The following LAMA2 variants were observed in gnomAD, a reference collection of about 807,000 sequenced individuals.
LAMA2 encodes laminin subunit alpha 2.
LAMA2 carries 269 observed loss-of-function variants against 364.8 expected under a neutral mutation model. The observed-to-expected ratio is 0.74, with a 90% CI of 0.67 to 0.82. The LOEUF (loss-of-function observed/expected upper bound fraction) is 0.82, where lower values mean the gene tolerates loss of function less well. Among genes scored for constraint, LAMA2 ranks in the 40% least tolerant of loss-of-function variants. The pLI is 0.00. For missense variants in LAMA2, 3,807 were observed against 3,873.2 expected (o/e 0.98, Z 0.45); for synonymous variants, 1,379 against 1,370.6 (o/e 1.01, Z -0.14).
chr6:129,051,523 G>T (rs1379317228), intron 2 of LAMA2, among the ~76,000 whole-genome samples: 1 of 133,140 alleles, frequency 7.5e-6, no homozygotes, highest in Non-Finnish European at 1.6e-5. Flanking sequence ...TGTTGGCCAG[G>T]CTGGTCTCAA....
intron 4 of LAMA2, among the ~76,000 whole-genome samples, chr6:129,113,289 CA>C (rs1337328671): frequency 6.6e-6 from 1 of 151,916 alleles, no homozygotes; most frequent in Non-Finnish European, 1.5e-5. Context: ...TAATAATTTC[CA>C]AAACAATCGG....
At chr6:129,084,622 TC>T (rs1284341252) in intron 3 of LAMA2, among the ~76,000 whole-genome samples, 2 of 152,140 alleles carry the variant, frequency 1.3e-5, no homozygotes, top group African/African-American at 4.8e-5. Context: ...AATGAAAAAG[TC>T]CCCTCCATGC....
At chr6:128,911,229 C>T (rs979205579) in intron 1 of LAMA2, among the ~76,000 whole-genome samples, 1 of 152,156 alleles carries the variant, frequency 6.6e-6, no homozygotes, top group African/African-American at 2.4e-5. Context: ...GACGCCCCTC[C>T]CCCAGCCTCG....
At chr6:129,223,942 G>A (rs1784059658) in intron 12 of LAMA2, among the ~76,000 whole-genome samples, 1 of 152,114 alleles carries the variant, frequency 6.6e-6, no homozygotes, top group Non-Finnish European at 1.5e-5. Context: ...GGGCAGTATG[G>A]CCATTTTCAC....
At chr6:129,460,374 G>A (rs778855532) in intron 49 of LAMA2, 50 bp downstream of exon 49, 1 of 1,573,218 alleles carries the variant, frequency 6.4e-7, no homozygotes, top group African/African-American at 1.4e-5. Context: ...CATAATAAAA[G>A]CTTCGATTTT....
chr6:129,425,609 G>A (rs1247342021), intron 40 of LAMA2, among the ~76,000 whole-genome samples: 2 of 151,672 alleles, frequency 1.3e-5, no homozygotes, highest in African/African-American at 2.4e-5. Flanking sequence ...AGTAGGCCTC[G>A]GTGTATGTTG....
At chr6:129,390,969 C>T (rs1779284364) in intron 35 of LAMA2, among the ~76,000 whole-genome samples, 1 of 152,114 alleles carries the variant, frequency 6.6e-6, no homozygotes, top group South Asian at 2.1e-4. Context: ...GGTTATAAGT[C>T]TAGACCAGTG....
intron 32 of LAMA2, among the ~76,000 whole-genome samples, chr6:129,358,507 T>G (rs1333992407): frequency 6.6e-6 from 1 of 152,048 alleles, no homozygotes; most frequent in Non-Finnish European, 1.5e-5. Flanking sequence ...ATCTTAAAGT[T>G]GGAAGAAATA....
intron 1 of LAMA2, among the ~76,000 whole-genome samples, chr6:128,988,949 AG>A (rs1244868621): frequency 1.3e-5 from 2 of 152,314 alleles, no homozygotes; most frequent in South Asian, 4.1e-4. Flanking sequence ...TATTAAGTCA[AG>A]AAATAGTAAA....
chr6:129,458,966 C>G lies in LAMA2; in HGVS notation c.6868-1234C>G, dbSNP rs185733236. ...CTGAGTAAATATGGGTTCACTTTGGCACAGAGTTTTTAAAGTTGTAGGCAC... is the reference window on the plus strand; with the variant it reads ...CTGAGTAAATATGGGTTCACTTTGGGACAGAGTTTTTAAAGTTGTAGGCAC... On this transcript the variant is annotated intron_variant, in intron 48 of 64. Coordinates refer to ENST00000421865, the MANE Select transcript of LAMA2 (RefSeq NM_000426.4). Among the ~76,000 whole-genome samples, 824 of 152,174 alleles carry G rather than the reference C, an allele frequency of 5.4e-3. 4 individuals are homozygous for G. Among genetic ancestry groups the G allele is most frequent in the Non-Finnish European group, 8.1e-3 (551 of 67,976 alleles).
intron 1 of LAMA2, among the ~76,000 whole-genome samples, chr6:129,004,625 A>G (rs1562910401): frequency 1.3e-5 from 2 of 152,138 alleles, no homozygotes; most frequent in African/African-American, 2.4e-5. Context: ...GTTGACTTAA[A>G]TCAGTTGGGT....
rs1397480108 is a variant in LAMA2, at chr6:128,962,179, T to TACAC, written c.112+78823_112+78824insCACA. Among the ~76,000 whole-genome samples the TACAC allele has an allele frequency of 8.3e-5, 10 of 120,244 alleles. 1 individual carries two copies. The highest frequency in any genetic ancestry group is 3.7e-4 in the African/African-American group (10 of 26,966). The allele number at this position is 120,244 out of a possible 152,430, so 78.9% of individuals were successfully genotyped here. ...ATATATATATATATATATATATATA[T>TACAC]ATATATACACACATACACACACACA... On this transcript the variant is annotated intron_variant, in intron 1 of 64. Coordinates refer to ENST00000421865, the MANE Select transcript of LAMA2 (RefSeq NM_000426.4).
Position 129,177,334 on chromosome 6 carries a change from G to A in LAMA2, c.1307-372G>A, listed in dbSNP as rs79638453. On this transcript the variant is annotated intron_variant, in intron 9 of 64. Transcript: ENST00000421865. ...TAGTCTGGTGGAGCAGGCTTGTTCC[G>A]TGAGCCACTAGTTTTGCATTTGTTA... is the stretch of plus-strand genomic sequence containing the variant. Among the ~76,000 whole-genome samples the A allele has an allele frequency of 6.2e-4, 94 of 152,232 alleles. 2 individuals are homozygous for A. The East Asian group carries it at 0.014, about 22-fold the overall frequency.
intron 3 of LAMA2, among the ~76,000 whole-genome samples, chr6:129,078,539 T>A (rs1012435376): frequency 6.6e-6 from 1 of 152,316 alleles, no homozygotes; most frequent in South Asian, 2.1e-4. Flanking sequence ...ACTGACTCTT[T>A]GTCAAAGATT....
chr6:128,965,109 G>A (rs937005926), intron 1 of LAMA2, among the ~76,000 whole-genome samples: 16 of 151,934 alleles, frequency 1.1e-4, no homozygotes, highest in Non-Finnish European at 1.9e-4. Flanking sequence ...TGTTGTTAAG[G>A]TTCTTTAAAT....
At chr6:129,356,535 G>A (rs1678988723) in intron 32 of LAMA2, among the ~76,000 whole-genome samples, 1 of 152,034 alleles carries the variant, frequency 6.6e-6, no homozygotes, top group South Asian at 2.1e-4. Context: ...GGTAGGTTAA[G>A]TCATTTTCTC....
chr6:129,158,990 G>T, intron 8 of LAMA2: 2 of 1,589,608 alleles, frequency 1.3e-6, no homozygotes, highest in Non-Finnish European at 1.7e-6. Context: ...TCCATTTTCT[G>T]ACTTTTTCTG....
chr6:129,232,018 G>C (rs1343136701), intron 12 of LAMA2, among the ~76,000 whole-genome samples: 3 of 152,064 alleles, frequency 2.0e-5, no homozygotes, highest in African/African-American at 7.2e-5. Flanking sequence ...ATACAGTAGT[G>C]ATCACTTATG....
chr6:129,432,564 A>G (rs1781650140), intron 41 of LAMA2, among the ~76,000 whole-genome samples: 1 of 152,308 alleles, frequency 6.6e-6, no homozygotes, highest in Middle Eastern at 3.4e-3. Context: ...CGTTTTTTGC[A>G]AGTAAGTTAA....
Sources: allele counts gnomAD v4.1 joint callset (sites outside exome capture counted in the v4.1 genomes callset), GRCh38; gene constraint gnomAD v4.1.1; transcripts MANE v1.5; gene names NCBI Gene and HGNC (gene_info 2026-07-23, HGNC 2026-07-21).